DSCAML1: variants seen among roughly 807,000 people sequenced by gnomAD.
DSCAML1 encodes the protein cell adhesion molecule DSCAML1.
A neutral mutation model predicts 200.5 loss-of-function variants in DSCAML1; 38 were observed. The ratio of observed to expected loss-of-function variants is 0.19; its 90% CI spans 0.15 to 0.25. The LOEUF is 0.25. Among genes scored for constraint, DSCAML1 ranks in the 10% least tolerant of loss-of-function variants. The pLI, the probability that DSCAML1 is intolerant of heterozygous loss-of-function variation, is 1.00. For missense variants in DSCAML1, 2,223 were observed against 2,858.8 expected, an observed-to-expected ratio of 0.78 and a Z score of 5.07; for synonymous variants, 1,215 against 1,165.0, an observed-to-expected ratio of 1.04 and a Z score of -0.87.
At chr11:117,581,497 C>T (rs681046) in intron 3 of DSCAML1, among the ~76,000 whole-genome samples, 132,378 of 152,130 alleles carry the variant, frequency 0.87, 57,842 homozygotes, top group Middle Eastern at 0.91. Flanking sequence ...TGATCTGTTT[C>T]CTTTACCTTC....
chr11:117,549,901 A>G (rs911079786), intron 3 of DSCAML1, among the ~76,000 whole-genome samples: 3 of 152,194 alleles, frequency 2.0e-5, no homozygotes, highest in Non-Finnish European at 4.4e-5. Context: ...AAAGGTAGAA[A>G]TGTTCCAAGT....
At chr11:117,619,997 G>GAGAAAAATTAGCTAATTTA (rs1244429196) in intron 3 of DSCAML1, among the ~76,000 whole-genome samples, 2 of 152,242 alleles carry the variant, frequency 1.3e-5, no homozygotes, top group East Asian at 3.9e-4. Context: ...ATAAATTGGT[G>GAGAAAAATTAGCTAATTTA]AGAAAAATTA....
chr11:117,499,819 G>T (rs1189463850), intron 11 of DSCAML1, among the ~76,000 whole-genome samples: 5 of 152,182 alleles, frequency 3.3e-5, no homozygotes, highest in Non-Finnish European at 7.3e-5. Flanking sequence ...AAAACCACTT[G>T]CCTGCTCTAA....
chr11:117,721,971 A>G (rs2137797439), intron 3 of DSCAML1, among the ~76,000 whole-genome samples: 1 of 152,206 alleles, frequency 6.6e-6, no homozygotes, highest in Middle Eastern at 3.4e-3. Context: ...AGTAATTTCC[A>G]AAGAAAATTT....
At chr11:117,511,070 G>A (rs775316005) in intron 8 of DSCAML1, among the ~76,000 whole-genome samples, 5 of 152,186 alleles carry the variant, frequency 3.3e-5, no homozygotes, top group South Asian at 2.1e-4. Flanking sequence ...CAACCTACTC[G>A]TTAGGGTGGG....
At chr11:117,671,834 C>G (rs971350419) in intron 3 of DSCAML1, among the ~76,000 whole-genome samples, 3 of 151,796 alleles carry the variant, frequency 2.0e-5, no homozygotes, top group African/African-American at 7.3e-5. Flanking sequence ...ACCTTGGGGC[C>G]GGCGCGGTGG....
chr11:117,777,084 C>G (rs561222427), intron 2 of DSCAML1, 147 bp from the exon 3 acceptor site: 3 of 808,390 alleles, frequency 3.7e-6, no homozygotes, highest in African/African-American at 3.5e-5. Flanking sequence ...GCTTAGCCAG[C>G]CTAGAAGCCC....
At chr11:117,514,934 T>C (rs1484037531) in intron 8 of DSCAML1, among the ~76,000 whole-genome samples, 1 of 152,204 alleles carries the variant, frequency 6.6e-6, no homozygotes, top group Non-Finnish European at 1.5e-5. Context: ...GGGGAGGAAA[T>C]GTTACCTGCC....
chr11:117,797,027 G>A lies in DSCAML1; in HGVS notation c.46+7C>T, dbSNP rs763253359. ...CTCCGCCGCCCAGCCGCCCGCGCAG[G>A]TCTCACCTTTGTGTAAAGAGTCCAG... On this transcript the variant is annotated splice_region_variant and intron_variant, in intron 1 of 32. Coordinates refer to ENST00000651296, the MANE Select transcript of DSCAML1 (RefSeq NM_020693.4). The A allele has an allele frequency of 1.2e-5, 18 of 1,505,150 alleles. No homozygotes were observed. The highest frequency in any genetic ancestry group is 3.5e-4 in the Middle Eastern group (2 of 5,728). The allele number at this position is 1,505,150 out of a possible 1,614,324, so 93.2% of individuals were successfully genotyped here.
At chr11:117,457,306 T>A (rs1412085454) in intron 19 of DSCAML1, among the ~76,000 whole-genome samples, 1 of 152,196 alleles carries the variant, frequency 6.6e-6, no homozygotes, top group Non-Finnish European at 1.5e-5. Flanking sequence ...GGAGGGGTGA[T>A]GCCCCTAGAC....
chr11:117,519,965 A>T (rs1186476964), intron 6 of DSCAML1, among the ~76,000 whole-genome samples: 1 of 152,230 alleles, frequency 6.6e-6, no homozygotes, highest in Non-Finnish European at 1.5e-5. Context: ...GGAGGATCCC[A>T]TACCTGTGGG....
intron 8 of DSCAML1, among the ~76,000 whole-genome samples, chr11:117,515,690 G>A (rs141728775): frequency 1.1e-3 from 151 of 135,918 alleles, no homozygotes; most frequent in Non-Finnish European, 1.8e-3. Flanking sequence ...GCTCAATCTC[G>A]GCTCACTGCA....
intron 3 of DSCAML1, among the ~76,000 whole-genome samples, chr11:117,664,761 C>T (rs1294514831): frequency 2.0e-5 from 3 of 152,186 alleles, no homozygotes; most frequent in Non-Finnish European, 2.9e-5. Context: ...CATGGGGAGG[C>T]CTAGCATTCT....
At chr11:117,816,444 A>G (rs557231363) in intron 1 of DSCAML1, among the ~76,000 whole-genome samples, 1 of 152,364 alleles carries the variant, frequency 6.6e-6, no homozygotes, top group South Asian at 2.1e-4. Flanking sequence ...CTAGGAATGA[A>G]GAATGGGCGC....
At position 117,504,888 on chromosome 11, in the gene DSCAML1, C is replaced by T; in HGVS notation, c.2182+36G>A. 2 of 1,579,214 alleles carry T rather than the reference C, an allele frequency of 1.3e-6. No individual in the cohort carries two copies. The highest frequency in any genetic ancestry group is 2.3e-5 in the East Asian group (1 of 44,158). ...GAGCATCCTCCGTTCCCCGTCCCTGCCCTTCTTGGAGATTCTGGCTGGGCC... is the reference window on the plus strand; with the variant it reads ...GAGCATCCTCCGTTCCCCGTCCCTGTCCTTCTTGGAGATTCTGGCTGGGCC... On this transcript the variant is annotated intron_variant, in intron 10 of 32. Transcript: ENST00000651296. This position sits in a 1 kb window ranked among gnomAD's most constrained non-coding sequence, Gnocchi z 5.0.
rs1176657184 is a variant in DSCAML1, at chr11:117,532,534, A to G, written c.512-12T>C. ...AAAAAACCTGTGTTCTGGAGACACAATCAGGACATAGTTCGTTACTTCCCG... is the reference window on the plus strand; with the variant it reads ...AAAAAACCTGTGTTCTGGAGACACAGTCAGGACATAGTTCGTTACTTCCCG... On this transcript the variant is annotated splice_polypyrimidine_tract_variant and intron_variant, in intron 3 of 32. Transcript: ENST00000651296. The G allele has an allele frequency of 4.3e-6, 7 of 1,612,032 alleles. No individual in the cohort carries two copies. Among genetic ancestry groups the G allele is most frequent in the Non-Finnish European group, 5.1e-6 (6 of 1,179,024 alleles).
chr11:117,643,401 C>T (rs190731148), intron 3 of DSCAML1, among the ~76,000 whole-genome samples: 234 of 152,338 alleles, frequency 1.5e-3, no homozygotes, highest in African/African-American at 5.0e-3. Context: ...TTTGTACCAT[C>T]TCCCTCCCCT....
chr11:117,507,921 TC>T (rs2049535307), intron 8 of DSCAML1, among the ~76,000 whole-genome samples: 1 of 152,180 alleles, frequency 6.6e-6, no homozygotes. Context: ...TTAGACATCT[TC>T]AGATAGATTT....
chr11:117,651,411 G>T (rs1168119489), intron 3 of DSCAML1, among the ~76,000 whole-genome samples: 2 of 152,132 alleles, frequency 1.3e-5, no homozygotes, highest in East Asian at 3.9e-4. Context: ...ATATAAGAAT[G>T]ATTGCACCCC....
Sources: allele counts gnomAD v4.1 joint callset (sites outside exome capture counted in the v4.1 genomes callset), GRCh38; gene constraint gnomAD v4.1.1; non-coding constraint Gnocchi (gnomAD v3.1); transcripts MANE v1.5; gene names NCBI Gene and HGNC (gene_info 2026-07-23, HGNC 2026-07-21).